Variants in WDFY3 observed in about 807,000 individuals in gnomAD.
WDFY3 encodes the protein WD repeat and FYVE domain containing 3.
A neutral mutation model predicts 409.6 loss-of-function variants in WDFY3; 66 were observed. The ratio of observed to expected loss-of-function variants is 0.16; its 90% CI spans 0.13 to 0.20. The LOEUF (loss-of-function observed/expected upper bound fraction) is 0.20. Ranked by LOEUF, WDFY3 falls within the 10% of genes least tolerant of loss-of-function variation. The pLI is 1.00. For missense variants in WDFY3, 3,031 were observed against 4,298.1 expected (o/e 0.71, Z 8.24); for synonymous variants, 1,521 against 1,537.1 (o/e 0.99, Z 0.25).
chr4:84,815,016 A>T (rs1753079544), intron 13 of WDFY3, among the ~76,000 whole-genome samples: 1 of 152,034 alleles, frequency 6.6e-6, no homozygotes, highest in African/African-American at 2.4e-5. Context: ...ATGTTAATAA[A>T]CTTGTTTGTT....
intron 2 of WDFY3, among the ~76,000 whole-genome samples, chr4:84,930,641 T>G (rs1770645431): frequency 6.6e-6 from 1 of 152,190 alleles, no homozygotes; most frequent in Non-Finnish European, 1.5e-5. Context: ...TCTCAAAAAG[T>G]CAAATGAAAA....
chr4:84,881,007 C>A (rs1304125799), intron 3 of WDFY3, among the ~76,000 whole-genome samples: 3 of 151,780 alleles, frequency 2.0e-5, no homozygotes, highest in Non-Finnish European at 4.4e-5. Flanking sequence ...ACAGGTACGA[C>A]CCACTGTGCC....
chr4:84,722,564 A>G (rs1735021482), intron 46 of WDFY3, among the ~76,000 whole-genome samples: 1 of 152,212 alleles, frequency 6.6e-6, no homozygotes, highest in Non-Finnish European at 1.5e-5. Context: ...CATATAATGT[A>G]ATTTGCAGAT....
intron 2 of WDFY3, among the ~76,000 whole-genome samples, chr4:84,912,175 G>A (rs1481939946): frequency 2.0e-5 from 3 of 152,214 alleles, no homozygotes; most frequent in Non-Finnish European, 4.4e-5. Context: ...AGTGCCACTA[G>A]TGATGCTGGC....
At chr4:84,865,703 C>T (rs1391095580) in intron 3 of WDFY3, among the ~76,000 whole-genome samples, 2 of 152,224 alleles carry the variant, frequency 1.3e-5, no homozygotes, top group African/African-American at 4.8e-5. Flanking sequence ...CTCCCTTTCA[C>T]TGCAAACCCC....
At chr4:84,726,601 G>T (rs934932933) in intron 45 of WDFY3, among the ~76,000 whole-genome samples, 1 of 152,040 alleles carries the variant, frequency 6.6e-6, no homozygotes, top group Non-Finnish European at 1.5e-5. Context: ...TTTATAGTGA[G>T]AGCAGTGAAA....
chr4:84,884,926 G>A (rs1489854478), intron 3 of WDFY3, among the ~76,000 whole-genome samples: 1 of 152,188 alleles, frequency 6.6e-6, no homozygotes, highest in Non-Finnish European at 1.5e-5. Context: ...ATACGGAGGT[G>A]CGTTCAAAAT....
intron 4 of WDFY3, among the ~76,000 whole-genome samples, chr4:84,858,775 G>A (rs951490555): frequency 1.6e-4 from 24 of 151,810 alleles, no homozygotes; most frequent in African/African-American, 5.8e-4. Flanking sequence ...TCAGAGATTG[G>A]GGCACGGGGT....
At chr4:84,757,704 G>C (rs1005648498) in intron 32 of WDFY3, among the ~76,000 whole-genome samples, 1 of 152,072 alleles carries the variant, frequency 6.6e-6, no homozygotes, top group Non-Finnish European at 1.5e-5. Flanking sequence ...TCAGCCTCCT[G>C]AGTAGCTGGG....
In WDFY3 at chr4:84,692,934, G is replaced by T. The variant is rs938484581; in HGVS notation, c.9000C>A (p.Ile3000=). ...SVLPGSTSDK[I]FFHHLDNLRP... ...TCAAGTTGTCTAGATGATGAAAAAA[G>T]ATCTTGTCACTTGTAGATCCTGGTA... Residue 3000 remains isoleucine, a synonymous_variant, in exon 59 of 68, where the codon ATC becomes ATA. Transcript: ENST00000295888. The T allele has an allele frequency of 2.5e-6, 4 of 1,613,196 alleles. No individual in the cohort carries two copies. The highest frequency in any genetic ancestry group is 3.3e-5 in the Admixed American group (2 of 59,746).
Position 84,678,947 on chromosome 4 carries a change from C to T in WDFY3, c.10119G>A (p.Glu3373=). The change falls in exon 65 of 68, where the codon GAG becomes GAA. Residue 3373 remains glutamate (E), a synonymous_variant. Transcript: ENST00000295888. ...GTTTCAATCTGCTGTAATTCCGCAC[C>T]TCAATGGGATTGGGGTGGGGGTGGC... The part of the protein sequence containing the change: ...PLSHPHPNPI[E]VRNYSRLKPG... The T allele has an allele frequency of 6.2e-7, 1 of 1,613,762 alleles. No homozygotes were observed. The highest frequency in any genetic ancestry group is 8.5e-7 in the Non-Finnish European group (1 of 1,179,834).
At chr4:84,687,481 T>A (rs1728526193) in intron 62 of WDFY3, among the ~76,000 whole-genome samples, 1 of 152,092 alleles carries the variant, frequency 6.6e-6, no homozygotes, top group Non-Finnish European at 1.5e-5. Flanking sequence ...AAATTTCCTG[T>A]TTTTTAAAAA....
chr4:84,796,480 G>T, intron 19 of WDFY3, 41 bp downstream of exon 19: 2 of 1,316,830 alleles, frequency 1.5e-6, no homozygotes, highest in Non-Finnish European at 2.0e-6. Context: ...CAAGTATGAC[G>T]CATAAAACCA....
At chr4:84,679,677 G>T (rs888354348) in intron 64 of WDFY3, among the ~76,000 whole-genome samples, 5 of 152,046 alleles carry the variant, frequency 3.3e-5, no homozygotes, top group African/African-American at 9.7e-5. Flanking sequence ...TAGCTTTCAA[G>T]GGACAGCTTA....
At chr4:84,699,378 G>A (rs1730706058) in intron 56 of WDFY3, among the ~76,000 whole-genome samples, 1 of 152,116 alleles carries the variant, frequency 6.6e-6, no homozygotes, top group Admixed American at 6.5e-5. Context: ...ACATTGTAGA[G>A]TTTATTAGTG....
chr4:84,795,057 T>C, intron 19 of WDFY3, 78 bp from the exon 20 acceptor site: 1 of 957,486 alleles, frequency 1.0e-6, no homozygotes, highest in East Asian at 3.0e-5. Context: ...CACAGTGAAA[T>C]AACTGCCAGT....
intron 3 of WDFY3, among the ~76,000 whole-genome samples, chr4:84,893,927 T>C (rs1765268711): frequency 6.6e-6 from 1 of 151,508 alleles, no homozygotes; most frequent in East Asian, 1.9e-4. Context: ...AGGCAGAGGT[T>C]GCAATGAGCC....
intron 30 of WDFY3, among the ~76,000 whole-genome samples, chr4:84,766,975 C>G (rs947482070): frequency 2.6e-5 from 4 of 152,332 alleles, no homozygotes; most frequent in African/African-American, 9.6e-5. Context: ...CTAGGCCCAG[C>G]TCTCCTCCAG....
chr4:84,873,619 C>T (rs540142737), intron 3 of WDFY3, among the ~76,000 whole-genome samples: 1 of 123,024 alleles, frequency 8.1e-6, no homozygotes, highest in Admixed American at 8.7e-5. Context: ...TTAAAGAAAG[C>T]AGAAAAAAGA....
Sources: gnomAD v4.1 joint callset for allele counts (sites outside exome capture counted in the v4.1 genomes callset) on GRCh38, gnomAD v4.1.1 for gene constraint, MANE v1.5 for transcripts, NCBI Gene and HGNC (gene_info 2026-07-23, HGNC 2026-07-21) for gene names.